Variants in LRRK1 observed in about 807,000 individuals in gnomAD.
LRRK1 encodes the protein leucine rich repeat kinase 1.
In LRRK1, 113 loss-of-function variants were observed where a neutral mutation model predicts 209.1. The observed-to-expected ratio is 0.54, with a 90% CI of 0.46 to 0.63. The LOEUF (loss-of-function observed/expected upper bound fraction) is 0.63, where lower values mean the gene tolerates loss of function less well. Among genes scored for constraint, LRRK1 ranks in the 30% least tolerant of loss-of-function variants. LRRK1 has a pLI of 0.00. For missense variants in LRRK1, 2,284 were observed against 2,632.2 expected, an observed-to-expected ratio of 0.87 and a Z score of 2.89; for synonymous variants, 1,144 against 1,099.7, an observed-to-expected ratio of 1.04 and a Z score of -0.80.
intron 27 of LRRK1, 95 bp downstream of exon 27, chr15:101,055,318 T>C: frequency 1.6e-6 from 2 of 1,225,378 alleles, no homozygotes; most frequent in South Asian, 4.0e-5. Context: ...GCTTCGGGGC[T>C]CAGCATCCCC....
chr15:100,943,746 C>T (rs570036769), intron 2 of LRRK1, among the ~76,000 whole-genome samples: 118 of 145,814 alleles, frequency 8.1e-4, no homozygotes, highest in Non-Finnish European at 1.2e-3. Context: ...GGTGTGATCT[C>T]GGCTCACTGC....
intron 2 of LRRK1, among the ~76,000 whole-genome samples, chr15:100,954,818 T>G (rs2042721577): frequency 6.6e-6 from 1 of 152,240 alleles, no homozygotes; most frequent in South Asian, 2.1e-4. Flanking sequence ...ATACATTTAT[T>G]TCTGGACTCT....
At chr15:100,997,157 G>A (rs528449765) in intron 6 of LRRK1, among the ~76,000 whole-genome samples, 94 of 151,874 alleles carry the variant, frequency 6.2e-4, no homozygotes, top group Non-Finnish European at 1.1e-3. Context: ...AGAGGGAGAT[G>A]ACTGCCTTTC....
At position 101,066,010 on chromosome 15, in the gene LRRK1, G is replaced by A. The variant is rs34874770; in HGVS notation, c.5573G>A (p.Ser1858Asn). The A allele has an allele frequency of 3.8e-4, 612 of 1,614,030 alleles. 5 individuals are homozygous for A. The East Asian group carries it at 0.012, about 31-fold the overall frequency. The part of the protein sequence containing the change: ...PPRQAARSPS[S>N]LPSSPASSSS... ...CGCCAGGCTGCCAGGTCCCCCTCAA[G>A]CCTCCCCAGCTCCCCAGCAAGTTCT... is the stretch of plus-strand genomic sequence containing the variant. Residue 1858 changes from serine to asparagine, a missense_variant, in exon 32 of 34, where the codon AGC (serine) becomes AAC (asparagine). By Grantham distance (46) the Ser-to-Asn change is conservative (BLOSUM62 1). Transcript: ENST00000388948.
intron 2 of LRRK1, among the ~76,000 whole-genome samples, chr15:100,930,452 A>T (rs1288195243): frequency 1.3e-5 from 2 of 152,022 alleles, no homozygotes; most frequent in Admixed American, 6.6e-5. Flanking sequence ...ACCCCCACTG[A>T]TCCACCCCAT....
At position 101,069,979 on chromosome 15, in the gene LRRK1, A is replaced by T. The variant is rs1483601514; in HGVS notation, c.*1131A>T. On this transcript the variant is annotated 3_prime_UTR_variant, in exon 34 of 34. Transcript: ENST00000388948. The stretch of plus-strand genomic sequence containing the variant: ...TCCTTAAACCAGAATGGGAGTTTGA[A>T]AGAGAGATCATACTCCAGCTGAAGT... 1 of 152,262 alleles carries T rather than the reference A, an allele frequency of 6.6e-6. No homozygotes were observed. Among genetic ancestry groups the T allele is most frequent in the East Asian group, 1.9e-4 (1 of 5,204 alleles). The allele number at this position is 152,262 out of a possible 1,614,324, so 9.4% of individuals were successfully genotyped here. A position where few individuals can be genotyped will look rare whatever the true frequency, so the allele number is the denominator to read the frequency against.
At chr15:100,936,249 C>T (rs1365303242) in intron 2 of LRRK1, among the ~76,000 whole-genome samples, 1 of 152,214 alleles carries the variant, frequency 6.6e-6, no homozygotes, top group Non-Finnish European at 1.5e-5. Context: ...ACAGCCAGAA[C>T]GCCTTTGGAT....
chr15:100,977,374 C>T (rs2031358244), intron 3 of LRRK1, among the ~76,000 whole-genome samples: 2 of 152,120 alleles, frequency 1.3e-5, no homozygotes, highest in East Asian at 1.9e-4. Flanking sequence ...TAGATTTCCA[C>T]CCTTGCCAGG....
At chr15:101,020,240 C>A (rs2033714105) in intron 12 of LRRK1, among the ~76,000 whole-genome samples, 1 of 152,114 alleles carries the variant, frequency 6.6e-6, no homozygotes, top group Non-Finnish European at 1.5e-5. Context: ...CAACTGTAAC[C>A]TCTGTGCATA....
chr15:101,013,264 C>T (rs964917695), intron 10 of LRRK1, among the ~76,000 whole-genome samples: 1 of 152,146 alleles, frequency 6.6e-6, no homozygotes, highest in Non-Finnish European at 1.5e-5. Context: ...TGGGCGGTGG[C>T]GTGAGCCCCT....
intron 6 of LRRK1, 58 bp downstream of exon 6, chr15:100,989,456 A>G (rs765569388): frequency 5.6e-5 from 87 of 1,554,228 alleles, no homozygotes; most frequent in Non-Finnish European, 7.5e-5. Context: ...CTGTAACAGA[A>G]TCCTGCAGAC....
chr15:100,934,466 G>A (rs2042259987), intron 2 of LRRK1, among the ~76,000 whole-genome samples: 1 of 152,038 alleles, frequency 6.6e-6, no homozygotes, highest in Non-Finnish European at 1.5e-5. Flanking sequence ...CCCTTACAGG[G>A]CTTCCAGTTG....
intron 4 of LRRK1, among the ~76,000 whole-genome samples, chr15:100,986,067 A>G (rs990863136): frequency 6.6e-6 from 1 of 152,112 alleles, no homozygotes; most frequent in African/African-American, 2.4e-5. Flanking sequence ...TTAACCAGGC[A>G]TGGTGGCACA....
intron 2 of LRRK1, among the ~76,000 whole-genome samples, chr15:100,972,355 AGAGAGAGAGT>A (rs768413568): frequency 0.12 from 15,859 of 132,864 alleles, 785 homozygotes; most frequent in East Asian, 0.3. Context: ...AGAGAGAGAG[AGAGAGAGAGT>A]GTGTGTGTGT....
chr15:100,973,631 C>A (rs1036618299), intron 2 of LRRK1, among the ~76,000 whole-genome samples, 173 bp from the exon 3 acceptor site: 1 of 152,160 alleles, frequency 6.6e-6, no homozygotes. Flanking sequence ...GGTTGGGTTG[C>A]GGGTCGCGGG....
At chr15:100,950,873 G>A (rs1296552549) in intron 2 of LRRK1, among the ~76,000 whole-genome samples, 3 of 152,320 alleles carry the variant, frequency 2.0e-5, no homozygotes, top group African/African-American at 4.8e-5. Flanking sequence ...GGAGGCCAAG[G>A]CGGGCAGATC....
chr15:101,052,947 G>C lies in LRRK1; in HGVS notation c.3715G>C (p.Glu1239Gln), dbSNP rs373500031. 76 of 1,610,002 alleles carry C rather than the reference G, an allele frequency of 4.7e-5. 1 individual carries two copies. The African/African-American group carries it at 9.5e-4, about 20-fold the overall frequency. ...ARLFLENSKLEHSEDEGSVLG... is the reference protein window; with the variant it reads ...ARLFLENSKLQHSEDEGSVLG... ...GCTCTTCCTGGAGAACAGCAAGCTGGAGCACAGCGAGGACGAGGGCAGCGT... is the reference window on the plus strand; with the variant it reads ...GCTCTTCCTGGAGAACAGCAAGCTGCAGCACAGCGAGGACGAGGGCAGCGT... Residue 1239 changes from glutamate (E) to glutamine (Q), a missense_variant, in exon 25 of 34, where the codon GAG (glutamate) becomes CAG (glutamine). Glu to Gln is a conservative substitution (Grantham distance 29, BLOSUM62 2). Around this residue, in one of 6 missense-constraint regions of LRRK1, gnomAD observed 780 missense variants for 985.2 expected, o/e 0.79. Coordinates refer to ENST00000388948, the MANE Select transcript of LRRK1 (RefSeq NM_024652.6).
intron 17 of LRRK1, among the ~76,000 whole-genome samples, chr15:101,026,969 C>T (rs967027291): frequency 6.6e-6 from 1 of 151,944 alleles, no homozygotes; most frequent in Non-Finnish European, 1.5e-5. Context: ...CCTGTGTGAG[C>T]CTGTGCCTGC....
intron 5 of LRRK1, 93 bp downstream of exon 5, chr15:100,988,906 C>T: frequency 2.8e-6 from 3 of 1,064,438 alleles, no homozygotes; most frequent in Non-Finnish European, 2.7e-6. Flanking sequence ...ACTCTTGGCT[C>T]TCAAATCACC....
Sources: allele counts gnomAD v4.1 joint callset (sites outside exome capture counted in the v4.1 genomes callset), GRCh38; gene constraint gnomAD v4.1.1; regional missense constraint gnomAD v4.1.1; transcripts MANE v1.5; gene names NCBI Gene and HGNC (gene_info 2026-07-23, HGNC 2026-07-21).